ADAM32: variants seen among roughly 807,000 people sequenced by gnomAD.
The protein encoded by ADAM32 is ADAM metallopeptidase domain 32.
In ADAM32, 89 loss-of-function variants were observed where a neutral mutation model predicts 114.9. The observed-to-expected ratio is 0.77, with a 90% CI of 0.65 to 0.92. The LOEUF (loss-of-function observed/expected upper bound fraction) is 0.92, where lower values mean the gene tolerates loss of function less well. Among genes scored for constraint, ADAM32 ranks in the 40% least tolerant of loss-of-function variants. The pLI, the probability that ADAM32 is intolerant of heterozygous loss-of-function variation, is 0.00. For missense variants in ADAM32, 870 were observed against 932.8 expected, an observed-to-expected ratio of 0.93 and a Z score of 0.88; for synonymous variants, 285 against 307.5, an observed-to-expected ratio of 0.93 and a Z score of 0.77.
intron 14 of ADAM32, among the ~76,000 whole-genome samples, chr8:39,230,876 C>T (rs898523778): frequency 6.6e-6 from 1 of 152,124 alleles, no homozygotes; most frequent in East Asian, 1.9e-4. Flanking sequence ...CATAACAATT[C>T]ATTGACATAT....
chr8:39,236,167 A>G (rs553446038), intron 16 of ADAM32, among the ~76,000 whole-genome samples: 10 of 152,330 alleles, frequency 6.6e-5, no homozygotes, highest in Admixed American at 1.3e-4. Flanking sequence ...CCATAATATA[A>G]TGATAGACAA....
At chr8:39,187,496 C>T (rs1021718649) in intron 11 of ADAM32, among the ~76,000 whole-genome samples, 2 of 152,186 alleles carry the variant, frequency 1.3e-5, no homozygotes, top group African/African-American at 2.4e-5. Flanking sequence ...TGGTCTCGAT[C>T]TCCTGACCTC....
At chr8:39,176,124 C>A in intron 10 of ADAM32, among the ~76,000 whole-genome samples, 1 of 151,942 alleles carries the variant, frequency 6.6e-6, no homozygotes, top group East Asian at 1.9e-4. Context: ...TTAATTTTTT[C>A]AAAAAAGCAG....
intron 2 of ADAM32, chr8:39,129,955 C>CTTTTTTT: frequency 8.2e-6 from 2 of 243,886 alleles, no homozygotes; most frequent in Non-Finnish European, 1.6e-5. Context: ...ATCACATTTC[C>CTTTTTTT]TTTTTTTTTT....
At chr8:39,234,569 G>A (rs1366059722) in intron 16 of ADAM32, among the ~76,000 whole-genome samples, 2 of 152,144 alleles carry the variant, frequency 1.3e-5, no homozygotes, top group African/African-American at 2.4e-5. Context: ...GATAATAATA[G>A]CATTTACTCT....
chr8:39,157,708 A>G, intron 6 of ADAM32: 2 of 1,004,822 alleles, frequency 2.0e-6, no homozygotes, highest in Non-Finnish European at 3.1e-6. Context: ...GTGGAGGATG[A>G]GCGCTTGCCT....
At chr8:39,253,208 C>T (rs1302801671) in intron 17 of ADAM32, among the ~76,000 whole-genome samples, 3 of 151,552 alleles carry the variant, frequency 2.0e-5, no homozygotes, top group Non-Finnish European at 3.0e-5. Flanking sequence ...TACTTTATGA[C>T]ATTAAGATGC....
chr8:39,253,192 T>A (rs1811416164), intron 17 of ADAM32, among the ~76,000 whole-genome samples: 1 of 151,572 alleles, frequency 6.6e-6, no homozygotes, highest in African/African-American at 2.4e-5. Flanking sequence ...AGATGAAAGA[T>A]CAATTTACTT....
chr8:39,124,585 T>A (rs1028702981), intron 2 of ADAM32, among the ~76,000 whole-genome samples: 5 of 151,986 alleles, frequency 3.3e-5, no homozygotes, highest in African/African-American at 1.2e-4. Flanking sequence ...GCCCAGCTAA[T>A]TTTTGTATTT....
intron 20 of ADAM32, among the ~76,000 whole-genome samples, chr8:39,271,371 G>T (rs936917665): frequency 6.6e-6 from 1 of 151,666 alleles, no homozygotes; most frequent in Non-Finnish European, 1.5e-5. Context: ...ATTACTCACT[G>T]GTTTGTGGTG....
At chr8:39,122,344 T>C (rs1020757259) in intron 2 of ADAM32, among the ~76,000 whole-genome samples, 1 of 152,112 alleles carries the variant, frequency 6.6e-6, no homozygotes, top group Non-Finnish European at 1.5e-5. Flanking sequence ...TAGAGTTAAA[T>C]GTGATCATAG....
chr8:39,240,566 A>C (rs778736836), intron 16 of ADAM32, among the ~76,000 whole-genome samples: 1 of 152,236 alleles, frequency 6.6e-6, no homozygotes, highest in Non-Finnish European at 1.5e-5. Context: ...GGCAATTTAC[A>C]AAAGAAAGAG....
intron 16 of ADAM32, among the ~76,000 whole-genome samples, chr8:39,234,963 A>T (rs572519184): frequency 6.6e-6 from 1 of 152,178 alleles, no homozygotes; most frequent in South Asian, 2.1e-4. Flanking sequence ...CTATTCTTCC[A>T]TATATGTGTA....
At chr8:39,195,100 C>T (rs28801793) in intron 11 of ADAM32, among the ~76,000 whole-genome samples, 37,390 of 151,796 alleles carry the variant, frequency 0.25, 4,915 homozygotes, top group Non-Finnish European at 0.29. Flanking sequence ...GTGTAAGGTT[C>T]CCAGCTTCCT....
Position 39,151,431 on chromosome 8 carries a change from A to C in ADAM32, c.408A>C (p.Ala136=), listed in dbSNP as rs753408288. ...ATGGAATTGAGCCTCTGGAATCTGC[A>C]GTTGAATTTCAGCATGTTCTTTACA... ...VSYGIEPLES[A]VEFQHVLYKL... is the part of the protein sequence containing the mutation. Residue 136 remains alanine, a synonymous_variant, in exon 6 of 25, where the codon GCA becomes GCC. Transcript: ENST00000379907. 4.4e-6 allele frequency: 7 copies of C among 1,604,594 alleles called. No individual in the cohort carries two copies. The Admixed American group carries it at 6.9e-5, about 16-fold the overall frequency.
At chr8:39,132,187 C>A (rs1175616624) in intron 2 of ADAM32, among the ~76,000 whole-genome samples, 3 of 152,238 alleles carry the variant, frequency 2.0e-5, no homozygotes, top group Non-Finnish European at 4.4e-5. Context: ...GCCACTGCGC[C>A]TGGCCCAATC....
At chr8:39,259,299 A>G (rs1295827105) in intron 19 of ADAM32, among the ~76,000 whole-genome samples, 2 of 151,992 alleles carry the variant, frequency 1.3e-5, no homozygotes, top group Admixed American at 1.3e-4. Context: ...CGCCGGGTTC[A>G]AGTGATTCTC....
chr8:39,226,750 A>G (rs1407016602), intron 14 of ADAM32, among the ~76,000 whole-genome samples: 2 of 152,200 alleles, frequency 1.3e-5, no homozygotes, highest in East Asian at 1.9e-4. Context: ...CACTCAATCT[A>G]TCTTACAACA....
chr8:39,280,257 T>C (rs1167983686), intron 22 of ADAM32, among the ~76,000 whole-genome samples: 1 of 151,670 alleles, frequency 6.6e-6, no homozygotes, highest in Non-Finnish European at 1.5e-5. Flanking sequence ...TAGCTCTTGT[T>C]TTCCCTCTGA....
Sources: gnomAD v4.1 joint callset for allele counts (sites outside exome capture counted in the v4.1 genomes callset) on GRCh38, gnomAD v4.1.1 for gene constraint, MANE v1.5 for transcripts, NCBI Gene and HGNC (gene_info 2026-07-23, HGNC 2026-07-21) for gene names.